The following SMAP1 variants were observed in gnomAD, a reference collection of about 807,000 sequenced individuals.
The protein encoded by SMAP1 is stromal membrane-associated protein 1.
A neutral mutation model predicts 58.5 loss-of-function variants in SMAP1; 24 were observed. That is an observed-to-expected ratio of 0.41 (90% CI 0.30 to 0.58). The LOEUF (loss-of-function observed/expected upper bound fraction) is 0.58. Among genes scored for constraint, SMAP1 ranks in the 20% least tolerant of loss-of-function variants. SMAP1 has a pLI of 0.29. For missense variants in SMAP1, 563 were observed against 566.3 expected, an observed-to-expected ratio of 0.99 and a Z score of 0.06; for synonymous variants, 216 against 196.6, an observed-to-expected ratio of 1.10 and a Z score of -0.82.
At chr6:70,732,572 C>G (rs1370048287) in intron 2 of SMAP1, 61 bp downstream of exon 2, 2 of 1,351,866 alleles carry the variant, frequency 1.5e-6, no homozygotes, top group South Asian at 3.9e-5. Context: ...AAATATTTAA[C>G]CCTTCTTGCA....
At chr6:70,682,201 T>C (rs1766744595) in intron 1 of SMAP1, among the ~76,000 whole-genome samples, 2 of 91,484 alleles carry the variant, frequency 2.2e-5, no homozygotes, top group Non-Finnish European at 4.1e-5. Flanking sequence ...TTTTTTTTTT[T>C]TTTTTGAGAT....
chr6:70,798,801 A>C, intron 6 of SMAP1, 64 bp downstream of exon 6: 1 of 1,235,562 alleles, frequency 8.1e-7, no homozygotes, highest in Non-Finnish European at 1.1e-6. Flanking sequence ...CTTATATATT[A>C]ATGACTTTCT....
chr6:70,755,184 G>T, intron 3 of SMAP1, 119 bp downstream of exon 3: 1 of 782,678 alleles, frequency 1.3e-6, no homozygotes. Context: ...GTTCATTAAA[G>T]ATAGAAATTG....
At chr6:70,693,636 G>T (rs1767277288) in intron 1 of SMAP1, among the ~76,000 whole-genome samples, 2 of 152,096 alleles carry the variant, frequency 1.3e-5, no homozygotes, top group Non-Finnish European at 2.9e-5. Flanking sequence ...CGTTGAATCT[G>T]TAGATTGCTT....
At chr6:70,761,785 T>A (rs12197239) in intron 3 of SMAP1, among the ~76,000 whole-genome samples, 75,570 of 151,792 alleles carry the variant, frequency 0.5, 19,138 homozygotes, top group African/African-American at 0.52. Flanking sequence ...TGATACTGGT[T>A]TTATCCCCAT....
intron 2 of SMAP1, among the ~76,000 whole-genome samples, chr6:70,736,420 T>G (rs1470099192): frequency 6.6e-6 from 1 of 151,972 alleles, no homozygotes; most frequent in Non-Finnish European, 1.5e-5. Context: ...ATTATACATT[T>G]GGGTGGAGTA....
chr6:70,746,707 C>T (rs1404565510), intron 2 of SMAP1, among the ~76,000 whole-genome samples: 1 of 152,124 alleles, frequency 6.6e-6, no homozygotes, highest in Non-Finnish European at 1.5e-5. Flanking sequence ...AGGGGCGATT[C>T]CTTCTTTTTC....
At position 70,773,386 on chromosome 6, in the gene SMAP1, G is replaced by A. The variant is rs761256476; in HGVS notation, c.375G>A (p.Lys125=). 7.6e-6 allele frequency: 12 copies of A among 1,573,070 alleles called. No individual in the cohort carries two copies. The highest frequency in any genetic ancestry group is 2.6e-6 in the Non-Finnish European group (3 of 1,150,526). ...VEFFIRDKYE[K]KKYYDKNAIA... is the part of the protein sequence containing the mutation. ...TTTTCATCAGAGATAAATATGAAAAGAAGAAATACTACGATAAAAATGCCA... is the reference window on the plus strand; with the variant it reads ...TTTTCATCAGAGATAAATATGAAAAAAAGAAATACTACGATAAAAATGCCA... The change falls in exon 4 of 11, where the codon AAG becomes AAA. Residue 125 remains lysine, a synonymous_variant. Transcript: ENST00000370455.
intron 9 of SMAP1, chr6:70,857,267 G>A (rs1771466810): frequency 6.0e-6 from 2 of 333,428 alleles, no homozygotes; most frequent in African/African-American, 2.1e-5. Context: ...ATCACTAAAT[G>A]TTGTTTCACA....
chr6:70,784,779 A>T (rs1767929478), intron 4 of SMAP1, among the ~76,000 whole-genome samples: 1 of 152,228 alleles, frequency 6.6e-6, no homozygotes, highest in Non-Finnish European at 1.5e-5. Context: ...TGCACCCAAT[A>T]CAGGAGCACC....
chr6:70,834,628 A>T (rs1417937687), intron 6 of SMAP1, among the ~76,000 whole-genome samples: 1 of 152,206 alleles, frequency 6.6e-6, no homozygotes, highest in African/African-American at 2.4e-5. Flanking sequence ...TGATGAGACC[A>T]ATGAAGACCC....
At chr6:70,747,578 G>A (rs1182694205) in intron 2 of SMAP1, among the ~76,000 whole-genome samples, 1 of 152,166 alleles carries the variant, frequency 6.6e-6, no homozygotes, top group African/African-American at 2.4e-5. Context: ...AACAGGAGAT[G>A]CCTACAAAGA....
intron 3 of SMAP1, among the ~76,000 whole-genome samples, chr6:70,771,907 T>G (rs1767339210): frequency 6.6e-6 from 1 of 152,156 alleles, no homozygotes; most frequent in Non-Finnish European, 1.5e-5. Flanking sequence ...CAAATAACTA[T>G]TCATTCACTT....
At chr6:70,787,777 A>C (rs376270938) in intron 4 of SMAP1, among the ~76,000 whole-genome samples, 1 of 151,904 alleles carries the variant, frequency 6.6e-6, no homozygotes, top group South Asian at 2.1e-4. Flanking sequence ...TTAGAATGGC[A>C]ATCATTGAAA....
chr6:70,751,589 A>C (rs1476433754), intron 2 of SMAP1, among the ~76,000 whole-genome samples: 1 of 145,340 alleles, frequency 6.9e-6, no homozygotes, highest in East Asian at 2.0e-4. Context: ...AAAGAGAAAA[A>C]AAAATACTGA....
intron 3 of SMAP1, among the ~76,000 whole-genome samples, chr6:70,758,964 A>G (rs754151172): frequency 2.6e-5 from 4 of 152,102 alleles, no homozygotes; most frequent in Non-Finnish European, 5.9e-5. Flanking sequence ...GAGTTACCCC[A>G]TTTGGTGGCT....
intron 3 of SMAP1, among the ~76,000 whole-genome samples, chr6:70,766,103 C>A (rs1267088461): frequency 6.6e-6 from 1 of 152,142 alleles, no homozygotes; most frequent in Non-Finnish European, 1.5e-5. Context: ...GCATAGTATT[C>A]CATGGTGTAT....
chr6:70,668,484 C>A (rs1362488895), intron 1 of SMAP1: 5 of 1,451,506 alleles, frequency 3.4e-6, no homozygotes, highest in Non-Finnish European at 3.6e-6. Flanking sequence ...CGGGTCTGGG[C>A]AGAGCTTAGG....
chr6:70,807,792 G>A (rs1271059295), intron 6 of SMAP1, among the ~76,000 whole-genome samples: 3 of 152,164 alleles, frequency 2.0e-5, no homozygotes, highest in Admixed American at 6.6e-5. Flanking sequence ...ATATACAGGT[G>A]ACACTAGAAC....
Sources: allele counts gnomAD v4.1 joint callset (sites outside exome capture counted in the v4.1 genomes callset), GRCh38; gene constraint gnomAD v4.1.1; transcripts MANE v1.5; gene names NCBI Gene and HGNC (gene_info 2026-07-23, HGNC 2026-07-21).